Variants in SLC35F4 observed in about 807,000 individuals in gnomAD.
SLC35F4 encodes the protein chromosome 14 open reading frame 36.
Under a neutral mutation model 44.2 loss-of-function variants are expected in SLC35F4, and 24 were observed. That is an observed-to-expected ratio of 0.54 (90% CI 0.39 to 0.76). The LOEUF is 0.76. SLC35F4 is among the 30% of genes least tolerant of loss of function. SLC35F4 has a pLI of 0.00. For synonymous variants in SLC35F4, 238 were observed against 223.6 expected (o/e 1.06, Z -0.57); for missense variants, 562 against 586.1 (o/e 0.96, Z 0.42).
At chr14:57,761,366 T>A (rs1396111918) in intron 1 of SLC35F4, among the ~76,000 whole-genome samples, 2 of 152,192 alleles carry the variant, frequency 1.3e-5, no homozygotes, top group African/African-American at 4.8e-5. Flanking sequence ...ACTATTATTT[T>A]AAAAATCCTA....
At chr14:57,930,410 C>T (rs1315569245) in intron 1 of SLC35F4, among the ~76,000 whole-genome samples, 1 of 152,132 alleles carries the variant, frequency 6.6e-6, no homozygotes, top group East Asian at 1.9e-4. Flanking sequence ...CTTACCTCTC[C>T]CTGTGCCAGT....
intron 1 of SLC35F4, among the ~76,000 whole-genome samples, chr14:57,821,900 C>T (rs2140912295): frequency 6.6e-6 from 1 of 152,236 alleles, no homozygotes; most frequent in South Asian, 2.1e-4. Context: ...GGGAGCAGGG[C>T]CAGGAATAGG....
At chr14:57,947,536 T>C (rs1890058931) in intron 1 of SLC35F4, among the ~76,000 whole-genome samples, 1 of 152,192 alleles carries the variant, frequency 6.6e-6, no homozygotes, top group Non-Finnish European at 1.5e-5. Context: ...CTTGTCTGAT[T>C]ACTCTGGCTA....
At chr14:57,964,504 A>C (rs1485646762) in intron 1 of SLC35F4, among the ~76,000 whole-genome samples, 1 of 152,238 alleles carries the variant, frequency 6.6e-6, no homozygotes, top group Non-Finnish European at 1.5e-5. Flanking sequence ...CTACTTTTCT[A>C]AGTAGCCTAA....
chr14:57,738,098 A>G (rs2076510946), intron 1 of SLC35F4, among the ~76,000 whole-genome samples: 1 of 152,224 alleles, frequency 6.6e-6, no homozygotes, highest in African/African-American at 2.4e-5. Flanking sequence ...TAATCTAGGA[A>G]GTAAAATGCC....
chr14:57,585,038 A>G (rs2069593728), intron 3 of SLC35F4, among the ~76,000 whole-genome samples: 2 of 152,200 alleles, frequency 1.3e-5, no homozygotes, highest in East Asian at 3.9e-4. Flanking sequence ...GTAATCTCAA[A>G]TAGTCATAGG....
intron 3 of SLC35F4, among the ~76,000 whole-genome samples, chr14:57,586,587 G>A (rs942089661): frequency 8.6e-5 from 13 of 151,202 alleles, no homozygotes; most frequent in South Asian, 2.1e-4. Context: ...GCGTGGTGGC[G>A]GGTGCCTGTA....
chr14:57,632,403 C>T (rs891459706), intron 1 of SLC35F4, among the ~76,000 whole-genome samples: 2 of 151,996 alleles, frequency 1.3e-5, no homozygotes, highest in Non-Finnish European at 2.9e-5. Flanking sequence ...GATGAGGAGT[C>T]ACAGGGAGAG....
chr14:57,753,824 C>G (rs1488855308), intron 1 of SLC35F4, among the ~76,000 whole-genome samples: 1 of 152,126 alleles, frequency 6.6e-6, no homozygotes, highest in Admixed American at 6.5e-5. Context: ...GGCCTCCACC[C>G]AGGGTAGCTT....
intron 1 of SLC35F4, among the ~76,000 whole-genome samples, chr14:57,841,557 C>G (rs993890969): frequency 2.6e-5 from 4 of 152,114 alleles, no homozygotes; most frequent in African/African-American, 9.7e-5. Context: ...TAGAACCAGA[C>G]CTTTGATGGG....
At chr14:57,630,148 T>C in intron 1 of SLC35F4, 1 of 555,038 alleles carries the variant, frequency 1.8e-6, no homozygotes. Flanking sequence ...CAGATTAAAA[T>C]ACAGTTTGCC....
At chr14:57,578,416 G>A (rs1175613603) in intron 4 of SLC35F4, among the ~76,000 whole-genome samples, 3 of 123,756 alleles carry the variant, frequency 2.4e-5, no homozygotes, top group Non-Finnish European at 4.8e-5. Context: ...ATTATTTATA[G>A]ATGTGGGCAA....
chr14:57,645,299 A>G (rs1365821728), intron 1 of SLC35F4, among the ~76,000 whole-genome samples: 2 of 152,140 alleles, frequency 1.3e-5, no homozygotes, highest in Non-Finnish European at 2.9e-5. Context: ...TATTTCATTG[A>G]GCAGTGGTTT....
intron 1 of SLC35F4, among the ~76,000 whole-genome samples, chr14:57,625,300 G>A (rs187014034): frequency 2.0e-5 from 3 of 152,278 alleles, no homozygotes; most frequent in Admixed American, 6.5e-5. Flanking sequence ...GGAAATAAGA[G>A]AGGACACAAA....
chr14:57,597,848 C>T (rs1207482695), intron 1 of SLC35F4, among the ~76,000 whole-genome samples: 1 of 152,180 alleles, frequency 6.6e-6, no homozygotes, highest in Non-Finnish European at 1.5e-5. Context: ...CCCATTCTTT[C>T]ACCCTCACCT....
At chr14:57,800,539 C>G (rs1268145293) in intron 1 of SLC35F4, among the ~76,000 whole-genome samples, 1 of 152,098 alleles carries the variant, frequency 6.6e-6, no homozygotes, top group African/African-American at 2.4e-5. Context: ...CAGAAGTAGG[C>G]TTCAGAAGGG....
intron 1 of SLC35F4, among the ~76,000 whole-genome samples, chr14:57,711,396 G>C (rs1000961617): frequency 6.6e-6 from 1 of 152,050 alleles, no homozygotes; most frequent in Non-Finnish European, 1.5e-5. Flanking sequence ...AGAATGGACT[G>C]ATACACATGG....
At position 57,682,911 on chromosome 14, in the gene SLC35F4, T is replaced by C. The variant is rs924315040; in HGVS notation, c.104-88787A>G. Reference sequence around the variant, plus strand: ...TCAACAGTGTTTTAGTTACAGATAATAGGGCAACAGTCCAAACACTTCATT... The same window carrying C: ...TCAACAGTGTTTTAGTTACAGATAACAGGGCAACAGTCCAAACACTTCATT... On this transcript the variant is annotated intron_variant, in intron 1 of 7. Coordinates refer to ENST00000556826, the MANE Select transcript of SLC35F4 (RefSeq NM_001306087.2). Among the ~76,000 whole-genome samples, 26 of 152,112 alleles carry C rather than the reference T, an allele frequency of 1.7e-4. 1 individual carries two copies. Among genetic ancestry groups the C allele is most frequent in the African/African-American group, 6.3e-4 (26 of 41,416 alleles).
chr14:57,813,683 T>A (rs1246531177), intron 1 of SLC35F4, among the ~76,000 whole-genome samples: 5 of 152,226 alleles, frequency 3.3e-5, no homozygotes, highest in Non-Finnish European at 7.3e-5. Flanking sequence ...AAAAAGCAGC[T>A]CAATCAAGTG....
Sources: allele counts gnomAD v4.1 joint callset (sites outside exome capture counted in the v4.1 genomes callset), GRCh38; gene constraint gnomAD v4.1.1; transcripts MANE v1.5; gene names NCBI Gene and HGNC (gene_info 2026-07-23, HGNC 2026-07-21).